The following ATP5MJ variants were observed in gnomAD, a reference collection of about 807,000 sequenced individuals.
ATP5MJ encodes the protein ATP synthase membrane subunit j, also known as ATP synthase F(0) complex subunit j, mitochondrial.
Under a neutral mutation model 8.3 loss-of-function variants are expected in ATP5MJ, and 4 were observed. The ratio of observed to expected loss-of-function variants is 0.48; its 90% CI spans 0.24 to 1.11. The LOEUF is 1.11. Ranked by LOEUF, ATP5MJ falls within the 50% of genes least tolerant of loss-of-function variation. The pLI, the probability that ATP5MJ is intolerant of heterozygous loss-of-function variation, is 0.18. For synonymous variants in ATP5MJ, 23 were observed against 21.3 expected, an observed-to-expected ratio of 1.08 and a Z score of -0.23; for missense variants, 66 against 71.8, an observed-to-expected ratio of 0.92 and a Z score of 0.29.
At position 103,920,849 on chromosome 14, in the gene ATP5MJ, A is replaced by C. The variant is rs530416206; in HGVS notation, c.-1+621T>G. On this transcript the variant is annotated intron_variant, in intron 1 of 3. Transcript: ENST00000286953. Reference sequence around the variant, plus strand: ...GTTTTACAGCACCAGACCTTTTAAAAATCCATCTTATTCATAGGCCAAACG... The same window carrying C: ...GTTTTACAGCACCAGACCTTTTAAACATCCATCTTATTCATAGGCCAAACG... 4.5e-4 allele frequency: 427 copies of C among 939,848 alleles called. 8 individuals are homozygous for C. The South Asian group carries it at 5.6e-3, about 12-fold the overall frequency. 58.2% of individuals were successfully genotyped at this position (939,848 alleles called of 1,614,324 possible).
intron 2 of ATP5MJ, 74 bp downstream of exon 2, chr14:103,914,992 C>A (rs1417884348): frequency 2.5e-6 from 4 of 1,591,390 alleles, no homozygotes; most frequent in Non-Finnish European, 2.6e-6. Flanking sequence ...AGTTCCTTTA[C>A]AATGTGAATT....
chr14:103,915,465 G>C (rs575575612), intron 1 of ATP5MJ, among the ~76,000 whole-genome samples: 3 of 152,192 alleles, frequency 2.0e-5, no homozygotes, highest in South Asian at 4.1e-4. Context: ...TCCTGCCTCA[G>C]CCTCCCGAGT....
In ATP5MJ at chr14:103,915,161, CAT is replaced by C. The variant is rs1456100659; in HGVS notation, c.27_28del (p.Ile9MetfsTer28). Reference sequence around the variant, plus strand: ...GGTGTAGTAGGGCTTCATGGGGATCCATATGTTTTTAATAATACTTTGAAGCA... The same window carrying C: ...GGTGTAGTAGGGCTTCATGGGGATCCATGTTTTTAATAATACTTTGAAGCA... On this transcript the variant is annotated frameshift_variant, in exon 2 of 4. Transcript: ENST00000286953. LOFTEE classifies it high-confidence loss of function. 1.9e-6 allele frequency: 3 copies of C among 1,613,502 alleles called. No individual in the cohort carries two copies. The highest frequency in any genetic ancestry group is 1.7e-5 in the Admixed American group (1 of 59,984).
intron 1 of ATP5MJ, among the ~76,000 whole-genome samples, chr14:103,919,887 T>C (rs1473476274): frequency 1.3e-5 from 2 of 151,262 alleles, no homozygotes; most frequent in African/African-American, 4.9e-5. Context: ...AGTGCAATGG[T>C]GCGATCGCGG....
intron 1 of ATP5MJ, chr14:103,920,899 C>G (rs1179813210): frequency 7.0e-7 from 1 of 1,430,582 alleles, no homozygotes; most frequent in Non-Finnish European, 9.6e-7. Flanking sequence ...CCACTTAAGT[C>G]TGCAAAGTTT....
intron 3 of ATP5MJ, 35 bp downstream of exon 3, chr14:103,913,926 C>T (rs745624520): frequency 1.2e-6 from 2 of 1,606,394 alleles, no homozygotes; most frequent in Middle Eastern, 1.7e-4. Flanking sequence ...ATGCTGTTTT[C>T]CATTCCCAAC....
rs138073886 is a variant in ATP5MJ at position 103,915,471 on chromosome 14, C to T, written c.1-282G>A. On this transcript the variant is annotated intron_variant, in intron 1 of 3. Transcript: ENST00000286953. ...AAGTGATTCTCCTGCCTCAGCCTCC[C>T]GAGTAGCTGGGACTACAGATGCGTG... is the stretch of plus-strand genomic sequence containing the variant. Among the ~76,000 whole-genome samples the T allele has an allele frequency of 1.8e-3, 277 of 152,152 alleles. 1 individual carries two copies. The highest frequency in any genetic ancestry group is 6.4e-3 in the African/African-American group (265 of 41,518).
At chr14:103,919,107 G>T (rs2087650160) in intron 1 of ATP5MJ, among the ~76,000 whole-genome samples, 1 of 152,142 alleles carries the variant, frequency 6.6e-6, no homozygotes, top group Admixed American at 6.5e-5. Context: ...AATGGACTGG[G>T]CACGGTGGCT....
chr14:103,913,639 T>C, intron 3 of ATP5MJ: 1 of 433,808 alleles, frequency 2.3e-6, no homozygotes, highest in Non-Finnish European at 4.0e-6. Flanking sequence ...TAAAACGACA[T>C]CATTAGGGAA....
At chr14:103,914,509 C>A in intron 2 of ATP5MJ, 1 of 676,198 alleles carries the variant, frequency 1.5e-6, no homozygotes, top group Non-Finnish European at 2.7e-6. Context: ...GTTCAAAGTT[C>A]CCCAATTGGG....
intron 2 of ATP5MJ, 104 bp downstream of exon 2, chr14:103,914,962 C>T: frequency 6.9e-7 from 1 of 1,441,650 alleles, no homozygotes; most frequent in East Asian, 2.4e-5. Flanking sequence ...CTCTAATGTT[C>T]ATACCTAGTT....
At chr14:103,919,662 C>T (rs1182569755) in intron 1 of ATP5MJ, among the ~76,000 whole-genome samples, 1 of 152,030 alleles carries the variant, frequency 6.6e-6, no homozygotes, top group Non-Finnish European at 1.5e-5. Flanking sequence ...TGCTCCGGGC[C>T]CAGGCACCCT....
At chr14:103,913,008 G>T in intron 3 of ATP5MJ, 2 of 323,188 alleles carry the variant, frequency 6.2e-6, no homozygotes, top group African/African-American at 2.1e-5. Context: ...TTGTCACTCT[G>T]GCATAAATTT....
Position 103,915,217 on chromosome 14 carries a change from T to A in ATP5MJ, c.1-28A>T, listed in dbSNP as rs778866537. The A allele has an allele frequency of 2.5e-6, 4 of 1,606,142 alleles. No homozygotes were observed. The Admixed American group carries it at 6.8e-5, about 27-fold the overall frequency. On this transcript the variant is annotated intron_variant, in intron 1 of 3. Transcript: ENST00000286953. ...GAAAATGAACACAGTGATTAAAAATTAGAATGATGATTGCTTTAAACCTAA... is the reference window on the plus strand; with the variant it reads ...GAAAATGAACACAGTGATTAAAAATAAGAATGATGATTGCTTTAAACCTAA...
At position 103,920,876 on chromosome 14, in the gene ATP5MJ, G is replaced by A. The variant is rs990469381; in HGVS notation, c.-1+594C>T. 5 of 1,119,338 alleles carry A rather than the reference G, an allele frequency of 4.5e-6. No homozygotes were observed. The African/African-American group carries it at 4.7e-5, about 10-fold the overall frequency. The allele number at this position is 1,119,338 out of a possible 1,614,324, so 69.3% of individuals were successfully genotyped here. A position where few individuals can be genotyped will look rare whatever the true frequency, so the allele number is the denominator to read the frequency against. ...TCCATCTTATTCATAGGCCAAACGTGTGTCTACTGTATCCACTTAAGTCTG... is the reference window on the plus strand; with the variant it reads ...TCCATCTTATTCATAGGCCAAACGTATGTCTACTGTATCCACTTAAGTCTG... On this transcript the variant is annotated intron_variant, in intron 1 of 3. Coordinates refer to ENST00000286953, the MANE Select transcript of ATP5MJ (RefSeq NM_004894.3).
In ATP5MJ at chr14:103,915,090, T is replaced by C. The variant is rs747259696; in HGVS notation, c.100A>G (p.Ile34Val). Residue 34 changes from isoleucine to valine, a missense_variant, in exon 2 of 4, where the codon ATC becomes GTC. Physicochemically the swap from Ile to Val is conservative, Grantham distance 29. Transcript: ENST00000286953. The part of the protein sequence containing the change: ...IWIGMGLMGF[I>V]VYKIRAADKR... ...CCAGCAGCCCGGATTTTATAAACGA[T>C]GAAGCCCATCAGCCCCATTCCTATC... The C allele has an allele frequency of 3.1e-6, 5 of 1,614,110 alleles. No individual in the cohort carries two copies. The highest frequency in any genetic ancestry group is 4.2e-6 in the Non-Finnish European group (5 of 1,180,020).
At chr14:103,921,135 T>G in intron 1 of ATP5MJ, 1 of 1,122,186 alleles carries the variant, frequency 8.9e-7, no homozygotes, top group Non-Finnish European at 1.3e-6. Flanking sequence ...GTTCTTGGCT[T>G]GGACTCTGGC....
At chr14:103,914,898 G>T (rs2087612941) in intron 2 of ATP5MJ, 168 bp downstream of exon 2, 34 of 572,008 alleles carry the variant, frequency 5.9e-5, no homozygotes, top group Non-Finnish European at 8.0e-5. Context: ...GTCCCCAAAT[G>T]TCTTTTATAG....
At chr14:103,920,657 A>G (rs2087669471) in intron 1 of ATP5MJ, among the ~76,000 whole-genome samples, 1 of 148,768 alleles carries the variant, frequency 6.7e-6, no homozygotes, top group Non-Finnish European at 1.5e-5. Context: ...TTTTTAGTAG[A>G]GACGGCGTTT....
Sources: allele counts gnomAD v4.1 joint callset (sites outside exome capture counted in the v4.1 genomes callset), GRCh38; gene constraint gnomAD v4.1.1; transcripts MANE v1.5; gene names NCBI Gene and HGNC (gene_info 2026-07-23, HGNC 2026-07-21).